Variants in PCDH15 observed in about 807,000 individuals in gnomAD.
PCDH15 encodes protocadherin related 15.
A neutral mutation model predicts 178.5 loss-of-function variants in PCDH15; 129 were observed. The ratio of observed to expected loss-of-function variants is 0.72; its 90% CI spans 0.63 to 0.84. PCDH15 has a LOEUF of 0.84. Ranked by LOEUF, PCDH15 falls within the 40% of genes least tolerant of loss-of-function variation. The pLI is 0.00. For missense variants in PCDH15, 2,230 were observed against 2,099.9 expected, an observed-to-expected ratio of 1.06 and a Z score of -1.21; for synonymous variants, 800 against 732.0, an observed-to-expected ratio of 1.09 and a Z score of -1.50.
intron 16 of PCDH15, among the ~76,000 whole-genome samples, chr10:54,088,509 A>C (rs1292405292): frequency 6.6e-6 from 1 of 152,112 alleles, no homozygotes; most frequent in Non-Finnish European, 1.5e-5. Context: ...GTTGTTTCTC[A>C]CTTTAGGATG....
At chr10:53,826,762 A>T (rs1337188062) in intron 32 of PCDH15, among the ~76,000 whole-genome samples, 2 of 152,106 alleles carry the variant, frequency 1.3e-5, no homozygotes, top group African/African-American at 4.8e-5. Context: ...CGTGCAGGAG[A>T]AATATTCGGT....
At chr10:55,070,593 AC>A (rs1421597688) in intron 2 of PCDH15, among the ~76,000 whole-genome samples, 1 of 152,130 alleles carries the variant, frequency 6.6e-6, no homozygotes, top group Non-Finnish European at 1.5e-5. Flanking sequence ...AGTTGTAGAT[AC>A]GTGGCGTTAT....
chr10:54,827,882 G>C (rs1277655962), intron 3 of PCDH15, among the ~76,000 whole-genome samples: 1 of 151,974 alleles, frequency 6.6e-6, no homozygotes, highest in East Asian at 1.9e-4. Flanking sequence ...GATGAAATAA[G>C]TTTTTATATG....
rs770876007 is a variant in PCDH15 at position 54,020,340 on chromosome 10, T to A, written c.2603A>T (p.His868Leu). 6.2e-7 allele frequency: 1 copy of A among 1,613,804 alleles called. No homozygotes were observed. The highest frequency in any genetic ancestry group is 1.1e-5 in the South Asian group (1 of 91,076). Reference sequence around the variant, plus strand: ...AAGCGATAGTTCTCCTGTAAATGGATGTAGTGCAAAAAAGTGCTTCACTTC... The same window carrying A: ...AAGCGATAGTTCTCCTGTAAATGGAAGTAGTGCAAAAAAGTGCTTCACTTC... ...SPEVKHFFAL[H>L]PFTGELSLLR... Residue 868 changes from histidine (H) to leucine (L), a missense_variant, in exon 20 of 38, where the codon CAT (histidine) becomes CTT (leucine). Transcript: ENST00000644397.
chr10:54,878,454 G>C, intron 3 of PCDH15, among the ~76,000 whole-genome samples: 1 of 152,082 alleles, frequency 6.6e-6, no homozygotes, highest in East Asian at 1.9e-4. Context: ...AATCAGCCTA[G>C]AACTGTCCTC....
chr10:55,445,029 A>G (rs1839284238), intron 2 of PCDH15, among the ~76,000 whole-genome samples: 1 of 152,158 alleles, frequency 6.6e-6, no homozygotes, highest in Non-Finnish European at 1.5e-5. Context: ...GAGGTGAAGG[A>G]AAAAGGATTG....
At chr10:53,894,393 T>C (rs1014274251) in intron 26 of PCDH15, among the ~76,000 whole-genome samples, 1 of 152,152 alleles carries the variant, frequency 6.6e-6, no homozygotes, top group Non-Finnish European at 1.5e-5. Context: ...CAGGGTGGTA[T>C]GGCCATAGAT....
At chr10:55,545,895 T>C (rs2132081652) in intron 2 of PCDH15, among the ~76,000 whole-genome samples, 1 of 152,290 alleles carries the variant, frequency 6.6e-6, no homozygotes. Context: ...CAACATTTAA[T>C]ACTTTATCAT....
At position 54,210,935 on chromosome 10, in the gene PCDH15, C is replaced by T. The variant is rs931177491; in HGVS notation, c.1098+3001G>A. 9.9e-5 allele frequency among the ~76,000 whole-genome samples: 15 copies of T among 151,956 alleles called. No homozygotes were observed. The East Asian group carries it at 2.3e-3, about 23-fold the overall frequency. ...TTAAAGGGATTTAGATTAAAACATG[C>T]AATTGTTATTTGAAGAACTGAGAGA... On this transcript the variant is annotated intron_variant, in intron 10 of 37. Transcript: ENST00000644397.
intron 25 of PCDH15, among the ~76,000 whole-genome samples, chr10:53,928,621 C>T (rs1270533069): frequency 6.6e-6 from 1 of 151,978 alleles, no homozygotes; most frequent in Non-Finnish European, 1.5e-5. Flanking sequence ...ACATAAGTGA[C>T]TTAATAGATT....
intron 3 of PCDH15, among the ~76,000 whole-genome samples, chr10:54,459,123 GAGAA>G (rs1473230412): frequency 2.1e-4 from 32 of 151,994 alleles, no homozygotes; most frequent in Admixed American, 2.1e-3. Context: ...GAGAGAAACA[GAGAA>G]AGAGAGAGAG....
At chr10:55,582,626 A>ATTTTTT (rs1413632977) in intron 2 of PCDH15, among the ~76,000 whole-genome samples, 7 of 61,230 alleles carry the variant, frequency 1.1e-4, no homozygotes, top group Non-Finnish European at 2.1e-4. Context: ...ATATATATAT[A>ATTTTTT]TATTTTTTTT....
intron 2 of PCDH15, among the ~76,000 whole-genome samples, chr10:55,379,389 A>G (rs1455605764): frequency 6.6e-6 from 1 of 152,108 alleles, no homozygotes; most frequent in East Asian, 1.9e-4. Context: ...GTGGAAAAAA[A>G]GCTGAATCAG....
chr10:55,537,227 T>C (rs1011040274), intron 2 of PCDH15, among the ~76,000 whole-genome samples: 3 of 152,152 alleles, frequency 2.0e-5, no homozygotes, highest in African/African-American at 4.8e-5. Context: ...TAAAAATACG[T>C]ATCCCTAATA....
intron 2 of PCDH15, among the ~76,000 whole-genome samples, chr10:55,341,789 ATATATATATATATATATTTTTTTTTTTT>A (rs1554854850): frequency 0.039 from 822 of 20,820 alleles, 29 homozygotes; most frequent in Non-Finnish European, 0.052. Flanking sequence ...ATATATATAT[ATATATATATATATATATTTTTTTTTTTT>A]TTTTTTTTTT....
At chr10:54,316,670 C>G (rs997151307) in intron 8 of PCDH15, among the ~76,000 whole-genome samples, 5 of 152,022 alleles carry the variant, frequency 3.3e-5, no homozygotes, top group African/African-American at 7.2e-5. Context: ...CATCAATCAT[C>G]TGGGGAGGTC....
At position 54,714,094 on chromosome 10, in the gene PCDH15, C is replaced by T. The variant is rs554394833; in HGVS notation, c.-28-49804G>A. Reference sequence around the variant, plus strand: ...GCCACGTAGCAGCCCCTTTATTCTTCGGTTATATTTTCTTTCACAACTTCA... The same window carrying T: ...GCCACGTAGCAGCCCCTTTATTCTTTGGTTATATTTTCTTTCACAACTTCA... On this transcript the variant is annotated intron_variant, in intron 1 of 37. Transcript: ENST00000644397. Among the ~76,000 whole-genome samples the T allele has an allele frequency of 1.6e-4, 25 of 152,212 alleles. 2 individuals are homozygous for T. In the South Asian group the frequency reaches 3.9e-3, roughly 24 times the overall value.
At chr10:54,270,044 A>G (rs1052279587) in intron 8 of PCDH15, among the ~76,000 whole-genome samples, 5 of 152,026 alleles carry the variant, frequency 3.3e-5, no homozygotes, top group African/African-American at 1.2e-4. Context: ...CTCTTTTAAC[A>G]CACTGTACTA....
rs1306587908 is a variant in PCDH15, at chr10:54,801,191, G to A, written c.-295C>T. 2 of 152,178 alleles carry A rather than the reference G, an allele frequency of 1.3e-5. No homozygotes were observed. Among genetic ancestry groups the A allele is most frequent in the Admixed American group, 1.3e-4 (2 of 15,280 alleles). The allele number at this position is 152,178 out of a possible 1,614,324, so 9.4% of individuals were successfully genotyped here. ...AGCATACCATCATTCTCCACGTTCT[G>A]AGATGTATGCCACCTGCCTTAGTTA... On this transcript the variant is annotated 5_prime_UTR_variant, in exon 1 of 38. Transcript: ENST00000644397.
Sources: allele counts gnomAD v4.1 joint callset (sites outside exome capture counted in the v4.1 genomes callset), GRCh38; gene constraint gnomAD v4.1.1; transcripts MANE v1.5; gene names NCBI Gene and HGNC (gene_info 2026-07-23, HGNC 2026-07-21).